Variants in LHX9 observed in about 807,000 individuals in gnomAD.
The protein encoded by LHX9 is LIM/homeobox protein Lhx9.
LHX9 carries 9 observed loss-of-function variants against 36.5 expected under a neutral mutation model. That is an observed-to-expected ratio of 0.25 (90% CI 0.15 to 0.43). The LOEUF (loss-of-function observed/expected upper bound fraction) is 0.43. Among genes scored for constraint, LHX9 ranks in the 20% least tolerant of loss-of-function variants. LHX9 has a pLI of 1.00. For synonymous variants in LHX9, 211 were observed against 212.1 expected (o/e 0.99, Z 0.04); for missense variants, 464 against 526.4 (o/e 0.88, Z 1.16).
chr1:197,925,467 A>G (rs1397002312), intron 3 of LHX9, among the ~76,000 whole-genome samples: 1 of 152,200 alleles, frequency 6.6e-6, no homozygotes, highest in African/African-American at 2.4e-5. Context: ...TACATGTTAC[A>G]TATGATAGGA....
chr1:197,914,572 G>A (rs1006948818), upstream of LHX9, among the ~76,000 whole-genome samples: 2 of 152,156 alleles, frequency 1.3e-5, no homozygotes, highest in African/African-American at 4.8e-5. Flanking sequence ...GACAAAAAGA[G>A]TAGAAAACCC....
Position 197,917,518 on chromosome 1 carries a change from A to G in LHX9, c.-306A>G. ...CCTCCCCCCGCTGCAGTTGTTTCCC[A>G]TTAGTAACTCGATCTCTCAGAGCAG... On this transcript the variant is annotated 5_prime_UTR_variant, in exon 1 of 5. Transcript: ENST00000367387. 1 of 1,415,602 alleles carries G rather than the reference A, an allele frequency of 7.1e-7. No individual in the cohort carries two copies. The highest frequency in any genetic ancestry group is 9.4e-7 in the Non-Finnish European group (1 of 1,061,304). The allele number at this position is 1,415,602 out of a possible 1,614,324, so 87.7% of individuals were successfully genotyped here.
intron 1 of LHX9, among the ~76,000 whole-genome samples, chr1:197,919,194 G>T (rs948921077): frequency 6.6e-6 from 1 of 152,226 alleles, no homozygotes; most frequent in African/African-American, 2.4e-5. Context: ...GCTCCTCAAG[G>T]TGGGGCCACT....
At chr1:197,917,291 G>C, upstream of LHX9, 5 of 1,230,080 alleles carry the variant, frequency 4.1e-6, no homozygotes, top group South Asian at 3.0e-5. Flanking sequence ...GCAGCTCCGG[G>C]GAGAGAACTC....
upstream of LHX9, chr1:197,912,471 C>T (rs536125012): frequency 2.5e-6 from 4 of 1,597,230 alleles, no homozygotes; most frequent in East Asian, 2.2e-5. Context: ...GGTCTGACTC[C>T]CGGCTTTTCT....
At chr1:197,924,715 G>A (rs1660093756) in intron 3 of LHX9, among the ~76,000 whole-genome samples, 1 of 152,148 alleles carries the variant, frequency 6.6e-6, no homozygotes, top group African/African-American at 2.4e-5. Flanking sequence ...ACCCCTAGTG[G>A]TCTTCCAGGG....
At chr1:197,912,996 T>A (rs547588441), upstream of LHX9, 1 of 188,884 alleles carries the variant, frequency 5.3e-6, no homozygotes, top group Non-Finnish European at 1.1e-5. Context: ...TTCACCCACA[T>A]TTTTTTGTTG....
chr1:197,914,402 T>TA (rs961325888), upstream of LHX9, among the ~76,000 whole-genome samples: 3 of 2,688 alleles, frequency 1.1e-3, no homozygotes, highest in African/African-American at 1.2e-3. Flanking sequence ...AGGGGGAACA[T>TA]TTTTTTTTTT....
chr1:197,919,876 C>T, intron 1 of LHX9, 96 bp from the exon 2 acceptor site: 3 of 1,293,744 alleles, frequency 2.3e-6, no homozygotes, highest in Non-Finnish European at 3.3e-6. Flanking sequence ...GCCGCTCTCC[C>T]TGCACACCCT....
At position 197,921,516 on chromosome 1, in the gene LHX9, C is replaced by T; in HGVS notation, c.590C>T (p.Pro197Leu). ...ACCCTCTTGCAAGGAGAGTATCCAC[C>T]GCAGCTGAGCTACACGGAGCTGGCG... Reference protein sequence around the residue: ...FETLLQGEYPPQLSYTELAAK... With the variant: ...FETLLQGEYPLQLSYTELAAK... The change falls in exon 3 of 5, where the codon CCG (proline) becomes CTG (leucine). Residue 197 changes from proline to leucine, a missense_variant. Coordinates refer to ENST00000367387, the MANE Select transcript of LHX9 (RefSeq NM_020204.3). This position sits in a 1 kb window ranked among gnomAD's most constrained non-coding sequence, Gnocchi z 4.6. 5.0e-6 allele frequency: 8 copies of T among 1,614,150 alleles called. No individual in the cohort carries two copies. The highest frequency in any genetic ancestry group is 6.8e-6 in the Non-Finnish European group (8 of 1,180,038).
chr1:197,927,452 C>T, intron 3 of LHX9, 139 bp from the exon 4 acceptor site: 4 of 723,542 alleles, frequency 5.5e-6, no homozygotes, highest in East Asian at 2.5e-5. Context: ...TTCTTTTTGT[C>T]TAGATACTAC....
chr1:197,929,448 T>C lies in LHX9; in HGVS notation c.*189T>C. The C allele has an allele frequency of 1.8e-6, 2 of 1,098,960 alleles. No individual in the cohort carries two copies. Among genetic ancestry groups the C allele is most frequent in the Non-Finnish European group, 2.2e-6 (2 of 903,526 alleles). 68.1% of individuals were successfully genotyped at this position (1,098,960 alleles called of 1,614,324 possible). A position where few individuals can be genotyped will look rare whatever the true frequency, so the allele number is the denominator to read the frequency against. On this transcript the variant is annotated 3_prime_UTR_variant, in exon 5 of 5. Coordinates refer to ENST00000367387, the MANE Select transcript of LHX9 (RefSeq NM_020204.3). ...AAATGAGTTTACAGTATTGTCTCCT[T>C]TAAGTGAATATATTTTGTCTACAAA... is the stretch of plus-strand genomic sequence containing the variant.
chr1:197,920,860 C>G (rs1659961063), intron 2 of LHX9, among the ~76,000 whole-genome samples: 1 of 152,150 alleles, frequency 6.6e-6, no homozygotes, highest in African/African-American at 2.4e-5. Flanking sequence ...TTTACAAAAT[C>G]GTCATCTTCC....
At chr1:197,913,507 G>A (rs1659673321), upstream of LHX9, among the ~76,000 whole-genome samples, 1 of 152,150 alleles carries the variant, frequency 6.6e-6, no homozygotes, top group Non-Finnish European at 1.5e-5. Flanking sequence ...CCTCAGTGTA[G>A]GGGGAAATTT....
At position 197,921,534 on chromosome 1, in the gene LHX9, A is replaced by C; in HGVS notation, c.608A>C (p.Glu203Ala). The part of the protein sequence containing the change: ...GEYPPQLSYT[E>A]LAAKSGGLAL... ...TATCCACCGCAGCTGAGCTACACGGAGCTGGCGGCCAAGAGCGGCGGCCTG... is the reference window on the plus strand; with the variant it reads ...TATCCACCGCAGCTGAGCTACACGGCGCTGGCGGCCAAGAGCGGCGGCCTG... Residue 203 changes from glutamate (E) to alanine (A), a missense_variant, in exon 3 of 5, where the codon GAG (glutamate) becomes GCG (alanine). By Grantham distance (107) the Glu-to-Ala change is moderately radical. This residue lies in a region of LHX9 where 130 missense variants were observed against 109.6 expected (regional missense o/e 1.19). Transcript: ENST00000367387. This position sits in a 1 kb window ranked among gnomAD's most constrained non-coding sequence, Gnocchi z 4.6. 1 of 1,614,000 alleles carries C rather than the reference A, an allele frequency of 6.2e-7. No individual in the cohort carries two copies. The highest frequency in any genetic ancestry group is 1.3e-5 in the African/African-American group (1 of 75,026).
At chr1:197,920,540 G>A (rs536429812) in intron 2 of LHX9, among the ~76,000 whole-genome samples, 1 of 152,104 alleles carries the variant, frequency 6.6e-6, no homozygotes, top group Non-Finnish European at 1.5e-5. Context: ...CAAGTTCTGC[G>A]CCTTGAAACT....
Position 197,930,229 on chromosome 1 carries a change from C to A in LHX9, c.*970C>A. 1 of 218,058 alleles carries A rather than the reference C, an allele frequency of 4.6e-6. No homozygotes were observed. The highest frequency in any genetic ancestry group is 7.8e-6 in the Non-Finnish European group (1 of 128,486). The allele number at this position is 218,058 out of a possible 1,614,324, so 13.5% of individuals were successfully genotyped here. ...ATGAATAATGTTTAAAATACCCAGC[C>A]TGGTAGACTTATACCAACAATTGGT... On this transcript the variant is annotated 3_prime_UTR_variant, in exon 5 of 5. Coordinates refer to ENST00000367387, the MANE Select transcript of LHX9 (RefSeq NM_020204.3).
Position 197,927,861 on chromosome 1 carries a change from C to T in LHX9, c.936+68C>T, listed in dbSNP as rs912624172. 3.7e-6 allele frequency: 5 copies of T among 1,365,296 alleles called. No individual in the cohort carries two copies. The African/African-American group carries it at 4.3e-5, about 12-fold the overall frequency. The allele number at this position is 1,365,296 out of a possible 1,614,324, so 84.6% of individuals were successfully genotyped here. A position where few individuals can be genotyped will look rare whatever the true frequency, so the allele number is the denominator to read the frequency against. ...CCTTCCCAGTAAAAATAGTGCTCTT[C>T]CCTGGTTAGAGTGACGCAGATATTT... On this transcript the variant is annotated intron_variant, in intron 4 of 4. Transcript: ENST00000367387.
At chr1:197,913,755 T>C (rs1306709307), upstream of LHX9, among the ~76,000 whole-genome samples, 4 of 152,200 alleles carry the variant, frequency 2.6e-5, no homozygotes, top group African/African-American at 9.6e-5. Context: ...AGGGGCTCCT[T>C]AACCAGCTTA....
Sources: gnomAD v4.1 joint callset for allele counts (sites outside exome capture counted in the v4.1 genomes callset) on GRCh38, gnomAD v4.1.1 for gene constraint, gnomAD v4.1.1 regional missense constraint, Gnocchi (gnomAD v3.1) non-coding constraint, MANE v1.5 for transcripts, NCBI Gene and HGNC (gene_info 2026-07-23, HGNC 2026-07-21) for gene names.